The following TRIM33 variants were observed in gnomAD, a reference collection of about 807,000 sequenced individuals.
TRIM33 encodes tripartite motif containing 33, also known as E3 ubiquitin-protein ligase TRIM33.
In TRIM33, 20 loss-of-function variants were observed where a neutral mutation model predicts 125.4. That is an observed-to-expected ratio of 0.16 (90% confidence interval 0.11 to 0.23). The LOEUF is 0.23. Among genes scored for constraint, TRIM33 ranks in the 10% least tolerant of loss-of-function variants. The pLI is 1.00. For synonymous variants in TRIM33, 564 were observed against 513.9 expected, an observed-to-expected ratio of 1.10 and a Z score of -1.32; for missense variants, 920 against 1,411.4, an observed-to-expected ratio of 0.65 and a Z score of 5.58.
At chr1:114,464,151 T>C in intron 2 of TRIM33, 119 bp downstream of exon 2, 1 of 533,796 alleles carries the variant, frequency 1.9e-6, no homozygotes. Flanking sequence ...TAACTTTCTA[T>C]TTGAAACAGG....
intron 1 of TRIM33, among the ~76,000 whole-genome samples, chr1:114,483,507 G>A (rs1434543585): frequency 3.3e-5 from 5 of 151,772 alleles, no homozygotes; most frequent in Admixed American, 1.3e-4. Flanking sequence ...TGCCTCCTGG[G>A]TTCAAGTGAT....
intron 1 of TRIM33, among the ~76,000 whole-genome samples, chr1:114,470,289 CAAT>C (rs1328680323): frequency 2.0e-5 from 3 of 152,152 alleles, no homozygotes; most frequent in Non-Finnish European, 2.9e-5. Flanking sequence ...ATTTTTCCCA[CAAT>C]GTGTGCTCAC....
intron 1 of TRIM33, among the ~76,000 whole-genome samples, chr1:114,480,250 T>C (rs1651234690): frequency 6.6e-6 from 1 of 152,142 alleles, no homozygotes; most frequent in African/African-American, 2.4e-5. Flanking sequence ...CGGTGCAAGA[T>C]GTGCTTTGTT....
At chr1:114,485,338 G>A (rs1481070453) in intron 1 of TRIM33, among the ~76,000 whole-genome samples, 1 of 151,812 alleles carries the variant, frequency 6.6e-6, no homozygotes, top group Non-Finnish European at 1.5e-5. Flanking sequence ...AATATCAGTA[G>A]GGAATAGCAG....
intron 8 of TRIM33, 131 bp downstream of exon 8, chr1:114,427,046 C>T (rs563530042): frequency 2.0e-6 from 1 of 508,282 alleles, no homozygotes; most frequent in Non-Finnish European, 3.6e-6. Flanking sequence ...CAATGAATAA[C>T]AACATATTTT....
At chr1:114,429,429 G>A (rs1647801391) in intron 6 of TRIM33, among the ~76,000 whole-genome samples, 1 of 151,576 alleles carries the variant, frequency 6.6e-6, no homozygotes, top group East Asian at 1.9e-4. Flanking sequence ...CTGACCTTGT[G>A]ATCCACCCAC....
At chr1:114,420,510 C>T in intron 11 of TRIM33, 1 of 840,416 alleles carries the variant, frequency 1.2e-6, no homozygotes, top group East Asian at 4.8e-5. Flanking sequence ...ATTAATCCAC[C>T]ATTATTGTAC....
intron 11 of TRIM33, among the ~76,000 whole-genome samples, chr1:114,416,516 T>A (rs930734165): frequency 2.6e-5 from 4 of 152,354 alleles, no homozygotes; most frequent in Admixed American, 2.6e-4. Context: ...CTATTTTGTA[T>A]AACAACTCAC....
Position 114,405,579 on chromosome 1 carries a change from G to C in TRIM33, c.2599C>G (p.Leu867Val). The change falls in exon 15 of 20, where the codon CTC becomes GTC. Residue 867 changes from leucine (L) to valine (V), a missense_variant. This residue lies in a region of TRIM33 where 407 missense variants were observed against 589.7 expected (regional missense o/e 0.69). Coordinates refer to ENST00000358465, the MANE Select transcript of TRIM33 (RefSeq NM_015906.4). ...LVNGKSPIRS[L>V]MHRSARIGGD... ...CCAATCCTTGCCGACCTGTGCATGAGGCTTCGAATTGGGGACTTTCCATTA... is the reference window on the plus strand; with the variant it reads ...CCAATCCTTGCCGACCTGTGCATGACGCTTCGAATTGGGGACTTTCCATTA... 2 of 1,614,174 alleles carry C rather than the reference G, an allele frequency of 1.2e-6. No individual in the cohort carries two copies. Among genetic ancestry groups the C allele is most frequent in the East Asian group, 4.5e-5 (2 of 44,880 alleles).
In TRIM33 at chr1:114,423,565, C is replaced by CT. The variant is rs561155533; in HGVS notation, c.1860+1025dup. Among the ~76,000 whole-genome samples, 243 of 147,698 alleles carry CT rather than the reference C, an allele frequency of 1.6e-3. 2 individuals carry two copies. In the South Asian group the frequency reaches 0.02, roughly 12 times the overall value. On this transcript the variant is annotated intron_variant, in intron 10 of 19. Transcript: ENST00000358465. The stretch of plus-strand genomic sequence containing the variant: ...GTGAGCGAGTATATATTTTTTCTTT[C>CT]TTTTTTTTTTGTTAAATAGAAACGG...
intron 4 of TRIM33, among the ~76,000 whole-genome samples, chr1:114,450,623 G>A (rs778350865): frequency 4.5e-4 from 69 of 151,990 alleles, no homozygotes; most frequent in Non-Finnish European, 9.3e-4. Context: ...GAACTCCTGA[G>A]CTCAAGTGAT....
intron 1 of TRIM33, among the ~76,000 whole-genome samples, chr1:114,466,759 A>C (rs1489347300): frequency 6.6e-6 from 1 of 152,126 alleles, no homozygotes; most frequent in Non-Finnish European, 1.5e-5. Flanking sequence ...TGCTGATTTT[A>C]ATCTGTATCT....
chr1:114,487,829 G>A (rs1651801464), intron 1 of TRIM33, among the ~76,000 whole-genome samples: 2 of 148,290 alleles, frequency 1.3e-5, no homozygotes, highest in South Asian at 2.1e-4. Context: ...CCCGGGAAGC[G>A]GAGCTTGCAA....
chr1:114,431,267 T>C (rs1392791543), intron 5 of TRIM33, among the ~76,000 whole-genome samples: 1 of 152,218 alleles, frequency 6.6e-6, no homozygotes, highest in East Asian at 1.9e-4. Context: ...CTTGACGTTT[T>C]CCAAGAACAA....
In TRIM33 at chr1:114,393,642, T is replaced by C. The variant is rs1185643842; in HGVS notation, c.*4006A>G. ...AGGAACTAAGATGAAAGAAATGCTA[T>C]ACATGCATTTTGACCAAGTAAAAGA... On this transcript the variant is annotated 3_prime_UTR_variant, in exon 20 of 20. Transcript: ENST00000358465. The C allele has an allele frequency of 9.3e-6, 2 of 214,088 alleles. No homozygotes were observed. Among genetic ancestry groups the C allele is most frequent in the African/African-American group, 2.3e-5 (1 of 44,284 alleles). 13.3% of individuals were successfully genotyped at this position (214,088 alleles called of 1,614,324 possible).
intron 10 of TRIM33, among the ~76,000 whole-genome samples, 170 bp from the exon 11 acceptor site, chr1:114,421,806 T>C (rs1647221611): frequency 1.3e-5 from 2 of 152,228 alleles, no homozygotes; most frequent in Admixed American, 1.3e-4. Flanking sequence ...ATTTTTCTAT[T>C]CATTTTTGTA....
At chr1:114,505,079 T>C (rs1652916428) in intron 1 of TRIM33, among the ~76,000 whole-genome samples, 1 of 152,224 alleles carries the variant, frequency 6.6e-6, no homozygotes, top group Admixed American at 6.5e-5. Flanking sequence ...AACTCTATGA[T>C]GTAGGTGTAA....
Position 114,402,325 on chromosome 1 carries a change from T to A in TRIM33, c.2892+435A>T, listed in dbSNP as rs1011586252. ...AGAAGCGGGGAGAGCAGTTAAGAGA[T>A]CACTACAATAGTCCAGATGAGAAAT... On this transcript the variant is annotated intron_variant, in intron 16 of 19. Coordinates refer to ENST00000358465, the MANE Select transcript of TRIM33 (RefSeq NM_015906.4). Among the ~76,000 whole-genome samples, 4 of 152,118 alleles carry A rather than the reference T, an allele frequency of 2.6e-5. 1 individual carries two copies. Among genetic ancestry groups the A allele is most frequent in the Admixed American group, 2.6e-4 (4 of 15,292 alleles).
chr1:114,475,382 A>C (rs1650914165), intron 1 of TRIM33, among the ~76,000 whole-genome samples: 1 of 152,240 alleles, frequency 6.6e-6, no homozygotes, highest in South Asian at 2.1e-4. Flanking sequence ...AAAAAACAGT[A>C]ATAAAGGATA....
Sources: allele counts gnomAD v4.1 joint callset (sites outside exome capture counted in the v4.1 genomes callset), GRCh38; gene constraint gnomAD v4.1.1; regional missense constraint gnomAD v4.1.1; transcripts MANE v1.5; gene names NCBI Gene and HGNC (gene_info 2026-07-23, HGNC 2026-07-21).